The following LRP1B variants were observed in gnomAD, a reference collection of about 807,000 sequenced individuals.
The protein encoded by LRP1B is LDL receptor related protein 1B.
In LRP1B, 217 loss-of-function variants were observed where a neutral mutation model predicts 556.6. The ratio of observed to expected loss-of-function variants is 0.39; its 90% CI spans 0.35 to 0.44. LRP1B has a LOEUF of 0.44. Ranked by LOEUF, LRP1B falls within the 20% of genes least tolerant of loss-of-function variation. LRP1B has a pLI of 1.00. For synonymous variants in LRP1B, 2,047 were observed against 1,865.8 expected (o/e 1.10, Z -2.50); for missense variants, 5,053 against 5,620.8 (o/e 0.90, Z 3.23).
At chr2:141,744,805 C>T (rs1034136325) in intron 2 of LRP1B, among the ~76,000 whole-genome samples, 16 of 152,126 alleles carry the variant, frequency 1.1e-4, no homozygotes, top group African/African-American at 3.9e-4. Context: ...GTAGTCTTCA[C>T]AGTCTGGGCT....
chr2:142,100,427 C>G (rs1706532764), intron 1 of LRP1B, among the ~76,000 whole-genome samples: 1 of 151,950 alleles, frequency 6.6e-6, no homozygotes, highest in African/African-American at 2.4e-5. Context: ...CTTTTAGAAA[C>G]TAACATCTGC....
At chr2:141,908,697 G>C (rs1046279616) in intron 1 of LRP1B, among the ~76,000 whole-genome samples, 6 of 151,914 alleles carry the variant, frequency 3.9e-5, no homozygotes, top group African/African-American at 7.2e-5. Flanking sequence ...GTAAATTCCT[G>C]GTGATGGAAT....
chr2:141,816,493 G>A (rs1696553332), intron 1 of LRP1B, among the ~76,000 whole-genome samples: 1 of 152,118 alleles, frequency 6.6e-6, no homozygotes, highest in African/African-American at 2.4e-5. Flanking sequence ...ACTTACACCA[G>A]TGATTTGCCA....
intron 3 of LRP1B, among the ~76,000 whole-genome samples, chr2:141,269,058 T>A (rs1323578500): frequency 1.3e-5 from 2 of 152,166 alleles, no homozygotes; most frequent in Non-Finnish European, 1.5e-5. Flanking sequence ...TCCAGAGCCA[T>A]GATGCAGATG....
At chr2:140,331,681 A>G (rs890598407) in intron 79 of LRP1B, among the ~76,000 whole-genome samples, 3 of 107,006 alleles carry the variant, frequency 2.8e-5, no homozygotes, top group Non-Finnish European at 6.2e-5. Context: ...ATCACTATAT[A>G]TATACATATA....
At chr2:141,284,601 C>G (rs755033210) in intron 3 of LRP1B, among the ~76,000 whole-genome samples, 29 of 152,312 alleles carry the variant, frequency 1.9e-4, no homozygotes, top group Non-Finnish European at 4.0e-4. Context: ...ACGATTTTAG[C>G]TTTTATGATT....
At chr2:140,754,604 A>G (rs1688683057) in intron 35 of LRP1B, among the ~76,000 whole-genome samples, 1 of 152,132 alleles carries the variant, frequency 6.6e-6, no homozygotes, top group East Asian at 1.9e-4. Flanking sequence ...TCACAAGATA[A>G]ATTAGAAAAT....
chr2:141,386,710 G>C (rs1411077684), intron 3 of LRP1B, among the ~76,000 whole-genome samples: 5 of 151,752 alleles, frequency 3.3e-5, no homozygotes, highest in Non-Finnish European at 7.4e-5. Flanking sequence ...AACAACAAAG[G>C]CCCAAGAAAT....
At chr2:141,285,483 T>C (rs1476743447) in intron 3 of LRP1B, among the ~76,000 whole-genome samples, 2 of 113,818 alleles carry the variant, frequency 1.8e-5, no homozygotes, top group Admixed American at 1.0e-4. Context: ...TGAGATGGAG[T>C]GTTGTTCTGT....
rs1243259787 is a variant in LRP1B, at chr2:140,408,258, A to T, written c.10415-22249T>A. Among the ~76,000 whole-genome samples, 5 of 151,948 alleles carry T rather than the reference A, an allele frequency of 3.3e-5. No homozygotes were observed. In the East Asian group the frequency reaches 9.6e-4, roughly 29 times the overall value. On this transcript the variant is annotated intron_variant, in intron 66 of 90. Transcript: ENST00000389484. ...TTGCTTGGGTGATGAGTGCACTAAA[A>T]TCTTAGAATTCACCACTATAAAATT...
At chr2:140,783,223 T>C (rs574623719) in intron 32 of LRP1B, among the ~76,000 whole-genome samples, 16 of 152,246 alleles carry the variant, frequency 1.1e-4, no homozygotes, top group African/African-American at 3.4e-4. Context: ...ATTCAGAGTA[T>C]GTATTTTTAC....
chr2:141,922,010 C>G (rs948454910), intron 1 of LRP1B, among the ~76,000 whole-genome samples: 7 of 151,820 alleles, frequency 4.6e-5, no homozygotes, highest in African/African-American at 1.7e-4. Flanking sequence ...AAAATAATGT[C>G]ATAAGAATAC....
chr2:141,222,095 A>C (rs1490350483), intron 6 of LRP1B, among the ~76,000 whole-genome samples: 1 of 152,116 alleles, frequency 6.6e-6, no homozygotes, highest in Non-Finnish European at 1.5e-5. Context: ...AACTCAAGGA[A>C]ATGGACATGA....
chr2:142,011,648 A>G (rs530612326), intron 1 of LRP1B, among the ~76,000 whole-genome samples: 3 of 152,282 alleles, frequency 2.0e-5, no homozygotes, highest in African/African-American at 7.2e-5. Flanking sequence ...ATTGTAATCA[A>G]TACTTTTAAC....
intron 2 of LRP1B, among the ~76,000 whole-genome samples, chr2:141,794,021 A>C (rs1365017039): frequency 1.3e-5 from 2 of 152,010 alleles, no homozygotes; most frequent in African/African-American, 4.8e-5. Flanking sequence ...AAAAACAATA[A>C]AATGCATTGA....
intron 1 of LRP1B, among the ~76,000 whole-genome samples, chr2:141,916,593 A>G (rs1318286966): frequency 6.7e-6 from 1 of 148,382 alleles, no homozygotes; most frequent in Non-Finnish European, 1.5e-5. Context: ...TGTGTTGGCC[A>G]GGATGGTCTT....
intron 22 of LRP1B, among the ~76,000 whole-genome samples, chr2:140,907,114 C>T (rs1694279880): frequency 1.3e-5 from 2 of 151,958 alleles, no homozygotes; most frequent in East Asian, 3.9e-4. Flanking sequence ...AAGTCATTTT[C>T]TCACAGCCTC....
At chr2:140,998,517 T>A (rs1697319710) in intron 15 of LRP1B, among the ~76,000 whole-genome samples, 1 of 151,990 alleles carries the variant, frequency 6.6e-6, no homozygotes. Context: ...TTCTCAGGGG[T>A]AGTAAGTTCC....
chr2:140,335,439 C>A (rs1240155836), intron 78 of LRP1B, among the ~76,000 whole-genome samples, 176 bp downstream of exon 78: 13 of 151,768 alleles, frequency 8.6e-5, no homozygotes, highest in Non-Finnish European at 1.9e-4. Context: ...AAATTTGTAT[C>A]ATCATTTGGT....
Sources: gnomAD v4.1 joint callset for allele counts (sites outside exome capture counted in the v4.1 genomes callset) on GRCh38, gnomAD v4.1.1 for gene constraint, MANE v1.5 for transcripts, NCBI Gene and HGNC (gene_info 2026-07-23, HGNC 2026-07-21) for gene names.